Variants in DTWD2 observed in about 807,000 individuals in gnomAD.
DTWD2 encodes the protein tRNA-uridine aminocarboxypropyltransferase 2.
Under a neutral mutation model 31.8 loss-of-function variants are expected in DTWD2, and 39 were observed. That is an observed-to-expected ratio of 1.22 (90% confidence interval 0.95 to 1.60). DTWD2 has a LOEUF of 1.60. Ranked by LOEUF, DTWD2 falls within the 40% of genes most tolerant of loss-of-function variation. The pLI, the probability that DTWD2 is intolerant of heterozygous loss-of-function variation, is 0.00. For synonymous variants in DTWD2, 180 were observed against 142.8 expected (o/e 1.26, Z -1.86); for missense variants, 515 against 381.5 (o/e 1.35, Z -2.92).
At chr5:118,851,112 T>G (rs1190041398) in intron 4 of DTWD2, among the ~76,000 whole-genome samples, 1 of 149,306 alleles carries the variant, frequency 6.7e-6, no homozygotes, top group Non-Finnish European at 1.5e-5. Context: ...CTGGGCATGG[T>G]GGTACACATC....
intron 1 of DTWD2, among the ~76,000 whole-genome samples, chr5:118,961,387 A>G (rs891219490): frequency 1.3e-5 from 2 of 152,228 alleles, no homozygotes; most frequent in African/African-American, 4.8e-5. Context: ...ATTATTTTAT[A>G]TTTCCATAGT....
intron 1 of DTWD2, among the ~76,000 whole-genome samples, chr5:118,954,842 C>T (rs889916147): frequency 6.6e-6 from 1 of 152,038 alleles, no homozygotes; most frequent in African/African-American, 2.4e-5. Context: ...CTTTACATTC[C>T]GTCTTCTCTA....
chr5:118,922,388 G>C (rs925254204), intron 4 of DTWD2, among the ~76,000 whole-genome samples: 2 of 151,984 alleles, frequency 1.3e-5, no homozygotes, highest in Admixed American at 1.3e-4. Flanking sequence ...CATACATTTA[G>C]AGCAAAATTT....
At chr5:118,917,113 T>C (rs969491173) in intron 4 of DTWD2, among the ~76,000 whole-genome samples, 7 of 152,222 alleles carry the variant, frequency 4.6e-5, no homozygotes, top group Admixed American at 2.6e-4. Flanking sequence ...TGCTTATAAT[T>C]TGACTACCAA....
chr5:118,946,926 G>C (rs1253411588), intron 1 of DTWD2, among the ~76,000 whole-genome samples: 2 of 152,122 alleles, frequency 1.3e-5, no homozygotes, highest in Non-Finnish European at 2.9e-5. Context: ...ATTTTCAGTA[G>C]AGAGAGGTTT....
At chr5:118,916,498 T>C (rs924068250) in intron 4 of DTWD2, among the ~76,000 whole-genome samples, 3 of 152,010 alleles carry the variant, frequency 2.0e-5, no homozygotes, top group African/African-American at 4.8e-5. Context: ...AAACCCCATC[T>C]CTAATAAAAA....
intron 4 of DTWD2, among the ~76,000 whole-genome samples, chr5:118,921,162 G>A (rs1210975355): frequency 6.6e-6 from 1 of 151,402 alleles, no homozygotes; most frequent in Non-Finnish European, 1.5e-5. Context: ...TCCTAGCTGT[G>A]AGGGGTACAC....
intron 4 of DTWD2, among the ~76,000 whole-genome samples, chr5:118,901,806 CTG>C (rs1170318604): frequency 1.3e-5 from 2 of 152,144 alleles, no homozygotes; most frequent in Non-Finnish European, 2.9e-5. Flanking sequence ...GGTGGTCTCA[CTG>C]TGTTGCTCAG....
chr5:118,961,093 T>A (rs1193802149), intron 1 of DTWD2, among the ~76,000 whole-genome samples: 1 of 152,052 alleles, frequency 6.6e-6, no homozygotes, highest in African/African-American at 2.4e-5. Context: ...AAAAAAGTTT[T>A]AGTGAGTGTT....
At chr5:118,946,402 C>A (rs1191953141) in intron 1 of DTWD2, among the ~76,000 whole-genome samples, 3 of 152,052 alleles carry the variant, frequency 2.0e-5, no homozygotes, top group East Asian at 3.9e-4. Flanking sequence ...ACAAACAGAT[C>A]GAGGACTGCT....
chr5:118,965,981 A>G (rs1004190118), intron 1 of DTWD2, among the ~76,000 whole-genome samples: 4 of 151,780 alleles, frequency 2.6e-5, no homozygotes, highest in Non-Finnish European at 2.9e-5. Context: ...AAAAGAAAAA[A>G]AAAAAGAGAT....
rs547560233 is a variant in DTWD2, at chr5:118,986,316, CTA to C, written c.218+1976_218+1977del. ...AAAGGACAGAATACATTTATAGAAT[CTA>C]TATCTTGCAATAATAAATTACAAGT... is the stretch of plus-strand genomic sequence containing the variant. On this transcript the variant is annotated intron_variant, in intron 1 of 5. Coordinates refer to ENST00000510708, the MANE Select transcript of DTWD2 (RefSeq NM_173666.4). Among the ~76,000 whole-genome samples the C allele has an allele frequency of 3.9e-5, 6 of 152,224 alleles. No homozygotes were observed. In the East Asian group the frequency reaches 1.2e-3, roughly 29 times the overall value.
intron 4 of DTWD2, among the ~76,000 whole-genome samples, chr5:118,900,321 T>C (rs2149565157): frequency 6.6e-6 from 1 of 152,286 alleles, no homozygotes; most frequent in South Asian, 2.1e-4. Context: ...TTTTAAAAAC[T>C]TTTTCCCTTA....
intron 4 of DTWD2, among the ~76,000 whole-genome samples, chr5:118,914,088 T>C (rs1174521051): frequency 6.6e-6 from 1 of 152,210 alleles, no homozygotes; most frequent in African/African-American, 2.4e-5. Context: ...TATAAAAGCC[T>C]AGGGAAGTTT....
At chr5:118,979,391 C>T (rs905345106) in intron 1 of DTWD2, among the ~76,000 whole-genome samples, 3 of 152,088 alleles carry the variant, frequency 2.0e-5, no homozygotes, top group Non-Finnish European at 2.9e-5. Context: ...AAAAAGAACA[C>T]TTTTATACTA....
chr5:118,893,072 A>G (rs1174279994), intron 4 of DTWD2, among the ~76,000 whole-genome samples: 1 of 152,044 alleles, frequency 6.6e-6, no homozygotes, highest in East Asian at 1.9e-4. Flanking sequence ...GTACTTCTAT[A>G]TAAAAAAAAG....
chr5:118,891,227 T>C (rs1237925643), intron 4 of DTWD2, among the ~76,000 whole-genome samples: 2 of 152,156 alleles, frequency 1.3e-5, no homozygotes, highest in South Asian at 2.1e-4. Flanking sequence ...ATTATTAGTA[T>C]GGCAATGTAC....
chr5:118,964,142 G>T (rs1323885226), intron 1 of DTWD2, among the ~76,000 whole-genome samples: 2 of 151,436 alleles, frequency 1.3e-5, no homozygotes, highest in Non-Finnish European at 2.9e-5. Flanking sequence ...CTCAGAAGGT[G>T]GAGTTGCGGT....
chr5:118,952,523 G>A (rs762187859), intron 1 of DTWD2, among the ~76,000 whole-genome samples: 10 of 152,128 alleles, frequency 6.6e-5, no homozygotes, highest in Non-Finnish European at 1.5e-4. Context: ...CCGGGAGAAG[G>A]AATTTCACAA....
Sources: allele counts gnomAD v4.1 joint callset (sites outside exome capture counted in the v4.1 genomes callset), GRCh38; gene constraint gnomAD v4.1.1; transcripts MANE v1.5; gene names NCBI Gene and HGNC (gene_info 2026-07-23, HGNC 2026-07-21).